Variants in SIPA1L1 observed in about 807,000 individuals in gnomAD.
SIPA1L1 encodes the protein signal-induced proliferation-associated 1-like protein 1.
In SIPA1L1, 26 loss-of-function variants were observed where a neutral mutation model predicts 162.7. The ratio of observed to expected loss-of-function variants is 0.16; its 90% confidence interval spans 0.12 to 0.22. The LOEUF is 0.22. Among genes scored for constraint, SIPA1L1 ranks in the 10% least tolerant of loss-of-function variants. The pLI is 1.00. For missense variants in SIPA1L1, 1,874 were observed against 2,241.0 expected (o/e 0.84, Z 3.31); for synonymous variants, 829 against 837.4 (o/e 0.99, Z 0.17).
intron 22 of SIPA1L1, among the ~76,000 whole-genome samples, chr14:71,737,027 G>A (rs1029322696): frequency 3.9e-5 from 6 of 152,100 alleles, no homozygotes; most frequent in Admixed American, 6.5e-5. Context: ...CCAGCCTGCC[G>A]TACCATACTA....
rs538166950 is a variant in SIPA1L1, at chr14:71,638,809, G to A, written c.1819-11526G>A. ...CAAAATGTGTTTAGCAAGCTTGTAT[G>A]ATTCAACATCAACTTACAAAAATCA... On this transcript the variant is annotated intron_variant, in intron 7 of 23. Transcript: ENST00000381232. 3.3e-5 allele frequency among the ~76,000 whole-genome samples: 5 copies of A among 152,334 alleles called. No homozygotes were observed. In the South Asian group the frequency reaches 1.0e-3, roughly 32 times the overall value.
At chr14:71,368,119 GTTTGT>G (rs2038523071) in intron 2 of SIPA1L1, among the ~76,000 whole-genome samples, 1 of 122,470 alleles carries the variant, frequency 8.2e-6, no homozygotes, top group Admixed American at 7.7e-5. Flanking sequence ...TGTACATTTT[GTTTGT>G]TTTATTTTTG....
chr14:71,615,901 C>T (rs1364211680), intron 5 of SIPA1L1, among the ~76,000 whole-genome samples: 2 of 152,272 alleles, frequency 1.3e-5, no homozygotes, highest in African/African-American at 2.4e-5. Context: ...AAGGCTGAGG[C>T]AAGAGAATCG....
chr14:71,588,987 T>C lies in SIPA1L1; in HGVS notation c.1115T>C (p.Val372Ala), dbSNP rs1301666090. ...TCCGCAGCTGCCGTGGCATCCTTGGTCTCTGGACCTCTGTCTCATTCAGCC... is the reference window on the plus strand; with the variant it reads ...TCCGCAGCTGCCGTGGCATCCTTGGCCTCTGGACCTCTGTCTCATTCAGCC... ...GASAAAVASL[V>A]SGPLSHSASF... The change falls in exon 5 of 24, where the codon GTC becomes GCC. Residue 372 changes from valine to alanine, a missense_variant. Transcript: ENST00000381232. This position sits in a 1 kb window ranked among gnomAD's most constrained non-coding sequence, Gnocchi z 4.3. The C allele has an allele frequency of 6.2e-7, 1 of 1,614,102 alleles. No homozygotes were observed. The highest frequency in any genetic ancestry group is 8.5e-7 in the Non-Finnish European group (1 of 1,179,984).
chr14:71,385,647 T>C (rs989960058), intron 2 of SIPA1L1, among the ~76,000 whole-genome samples: 5 of 151,126 alleles, frequency 3.3e-5, no homozygotes, highest in African/African-American at 9.7e-5. Flanking sequence ...ATAATACATA[T>C]AAAAAATTAT....
At chr14:71,320,719 C>T (rs909203088) in intron 1 of SIPA1L1, among the ~76,000 whole-genome samples, 2 of 150,728 alleles carry the variant, frequency 1.3e-5, no homozygotes, top group African/African-American at 4.9e-5. Context: ...CCCCGGCAAC[C>T]TCGCGCCCAC....
rs978456138 is a variant in SIPA1L1, at chr14:71,562,957, T to G, written c.-302-24614T>G. On this transcript the variant is annotated intron_variant, in intron 4 of 23. Transcript: ENST00000381232. ...GGCGTGGCCCCCTTTCTTGCTTTAT[T>G]ATTGTTCATAGCACTTTGTAGCATG... 1.4e-4 allele frequency among the ~76,000 whole-genome samples: 22 copies of G among 152,202 alleles called. 1 individual carries two copies. Among genetic ancestry groups the G allele is most frequent in the African/African-American group, 4.6e-4 (19 of 41,460 alleles).
chr14:71,373,086 C>T (rs914210535), intron 2 of SIPA1L1, among the ~76,000 whole-genome samples: 7 of 151,814 alleles, frequency 4.6e-5, no homozygotes, highest in Admixed American at 3.3e-4. Flanking sequence ...CCGATGCAGG[C>T]GGATCATGAG....
chr14:71,682,232 C>A (rs1384847243), intron 12 of SIPA1L1, among the ~76,000 whole-genome samples: 1 of 152,076 alleles, frequency 6.6e-6, no homozygotes, highest in South Asian at 2.1e-4. Flanking sequence ...TCGTGCCTGG[C>A]CCATTGTAAG....
At chr14:71,368,141 T>C (rs1303329519) in intron 2 of SIPA1L1, among the ~76,000 whole-genome samples, 1 of 144,416 alleles carries the variant, frequency 6.9e-6, no homozygotes, top group Non-Finnish European at 1.5e-5. Flanking sequence ...TTTGTGGTAT[T>C]CTTTTTTTTT....
intron 4 of SIPA1L1, among the ~76,000 whole-genome samples, chr14:71,542,271 T>TTCCTC (rs1567175184): frequency 2.9e-5 from 4 of 139,758 alleles, no homozygotes; most frequent in Non-Finnish European, 6.2e-5. Context: ...CTTCTTCTTC[T>TTCCTC]TCCTCTTCCT....
chr14:71,629,042 AT>A, intron 7 of SIPA1L1, among the ~76,000 whole-genome samples: 1 of 152,232 alleles, frequency 6.6e-6, no homozygotes, highest in East Asian at 1.9e-4. Context: ...GGTTCACGCC[AT>A]TCTCCTGCCT....
At chr14:71,698,525 G>C (rs1447341330) in intron 13 of SIPA1L1, among the ~76,000 whole-genome samples, 1 of 152,274 alleles carries the variant, frequency 6.6e-6, no homozygotes, top group East Asian at 1.9e-4. Context: ...TCCAGAGTGT[G>C]AATAATAAAA....
intron 4 of SIPA1L1, among the ~76,000 whole-genome samples, chr14:71,587,319 A>G (rs903814083): frequency 6.6e-6 from 1 of 150,460 alleles, no homozygotes; most frequent in Admixed American, 6.6e-5. Flanking sequence ...CCTGCCCCCC[A>G]TTTTATGAAA....
Position 71,739,124 on chromosome 14 carries a change from T to G in SIPA1L1, c.5315T>G (p.Phe1772Cys), listed in dbSNP as rs963447810. ...AACGCCTCGGACAAGCTGAAGAAGT[T>G]CACAGAATGGGTCTTCAACACCATA... ...SQNASDKLKK[F>C]TEWVFNTIDM... Residue 1772 changes from phenylalanine (F) to cysteine (C), a missense_variant, in exon 24 of 24, where the codon TTC becomes TGC. Coordinates refer to ENST00000381232, the MANE Select transcript of SIPA1L1 (RefSeq NM_001386936.1). 1 of 1,613,934 alleles carries G rather than the reference T, an allele frequency of 6.2e-7. No homozygotes were observed. The highest frequency in any genetic ancestry group is 8.5e-7 in the Non-Finnish European group (1 of 1,179,920).
chr14:71,578,109 C>T (rs1009733403), intron 4 of SIPA1L1, among the ~76,000 whole-genome samples: 1 of 152,104 alleles, frequency 6.6e-6, no homozygotes, highest in Admixed American at 6.5e-5. Flanking sequence ...CGGGGTTTCA[C>T]CATGTGGGCC....
At chr14:71,628,896 C>T (rs1311369859) in intron 7 of SIPA1L1, among the ~76,000 whole-genome samples, 2 of 152,140 alleles carry the variant, frequency 1.3e-5, no homozygotes, top group Admixed American at 1.3e-4. Context: ...CAAGGAATCC[C>T]GCTGAGCAGG....
Position 71,386,964 on chromosome 14 carries a change from T to C in SIPA1L1, c.-465+65783T>C, listed in dbSNP as rs796148983. On this transcript the variant is annotated intron_variant, in intron 2 of 23. Transcript: ENST00000381232. ...TATGGATAGATATTAAAAGAAAGAC[T>C]GTGGCCGGGCGCAGTGGCTCACGCC... 6.4e-4 allele frequency among the ~76,000 whole-genome samples: 98 copies of C among 152,182 alleles called. 1 individual carries two copies. The highest frequency in any genetic ancestry group is 2.3e-3 in the African/African-American group (96 of 41,534).
At chr14:71,467,081 T>G (rs1308143090) in intron 2 of SIPA1L1, 1 of 152,228 alleles carries the variant, frequency 6.6e-6, no homozygotes, top group Non-Finnish European at 1.5e-5. Flanking sequence ...AACAACACTT[T>G]GAATTGTCAT....
Sources: gnomAD v4.1 joint callset for allele counts (sites outside exome capture counted in the v4.1 genomes callset) on GRCh38, gnomAD v4.1.1 for gene constraint, Gnocchi (gnomAD v3.1) non-coding constraint, MANE v1.5 for transcripts, NCBI Gene and HGNC (gene_info 2026-07-23, HGNC 2026-07-21) for gene names.